The following SLC26A5 variants were observed in gnomAD, a reference collection of about 807,000 sequenced individuals.
The protein encoded by SLC26A5 is solute carrier family 26 member 5.
A neutral mutation model predicts 81.0 loss-of-function variants in SLC26A5; 51 were observed. The observed-to-expected ratio is 0.63, with a 90% CI of 0.50 to 0.80. The LOEUF is 0.80. Among genes scored for constraint, SLC26A5 ranks in the 30% least tolerant of loss-of-function variants. The pLI is 0.00. For synonymous variants in SLC26A5, 325 were observed against 332.8 expected (o/e 0.98, Z 0.25); for missense variants, 771 against 905.8 (o/e 0.85, Z 1.91).
intron 8 of SLC26A5, among the ~76,000 whole-genome samples, chr7:103,402,082 G>T (rs1823638500): frequency 6.6e-6 from 1 of 152,178 alleles, no homozygotes; most frequent in African/African-American, 2.4e-5. Flanking sequence ...CATAAAATCA[G>T]TTAGGGAGGA....
At chr7:103,389,485 T>G in intron 12 of SLC26A5, 61 bp from the exon 13 acceptor site, 1 of 1,209,506 alleles carries the variant, frequency 8.3e-7, no homozygotes, top group Non-Finnish European at 1.2e-6. Flanking sequence ...CCTTTGCTGG[T>G]TCCTCACTGT....
chr7:103,361,833 T>G, intron 19 of SLC26A5: 1 of 887,622 alleles, frequency 1.1e-6, no homozygotes. Context: ...TCTTTAACAG[T>G]GTCCCAGTTT....
At chr7:103,410,734 G>A (rs181577696) in intron 6 of SLC26A5, among the ~76,000 whole-genome samples, 185 bp from the exon 7 acceptor site, 1 of 151,972 alleles carries the variant, frequency 6.6e-6, no homozygotes. Flanking sequence ...GGGTTCAAGC[G>A]ATTCTCCTGC....
At chr7:103,420,102 A>C (rs1019285810) in intron 4 of SLC26A5, among the ~76,000 whole-genome samples, 11 of 152,084 alleles carry the variant, frequency 7.2e-5, no homozygotes, top group African/African-American at 2.7e-4. Flanking sequence ...GCAATATACT[A>C]CAGGAATTTA....
chr7:103,413,745 T>A (rs941797000), intron 4 of SLC26A5, among the ~76,000 whole-genome samples: 7 of 152,206 alleles, frequency 4.6e-5, no homozygotes, highest in Admixed American at 4.6e-4. Flanking sequence ...TCTAGGGGAC[T>A]CTTTCCCTCA....
At chr7:103,444,180 T>A (rs1827099149) in intron 1 of SLC26A5, among the ~76,000 whole-genome samples, 1 of 152,212 alleles carries the variant, frequency 6.6e-6, no homozygotes, top group Non-Finnish European at 1.5e-5. Flanking sequence ...GTACTCTGAG[T>A]CACAAAATGA....
At chr7:103,382,112 A>T (rs1185389430) in intron 14 of SLC26A5, among the ~76,000 whole-genome samples, 1 of 152,126 alleles carries the variant, frequency 6.6e-6, no homozygotes, top group Non-Finnish European at 1.5e-5. Flanking sequence ...TATGCCAGGG[A>T]TATATGTAAC....
chr7:103,366,092 G>A, intron 19 of SLC26A5: 2 of 1,613,624 alleles, frequency 1.2e-6, no homozygotes, highest in Non-Finnish European at 1.7e-6. Context: ...CGAATGGTTC[G>A]TGAACTCTTT....
At chr7:103,397,732 A>C (rs1202281550) in intron 9 of SLC26A5, among the ~76,000 whole-genome samples, 200 bp downstream of exon 9, 1 of 147,012 alleles carries the variant, frequency 6.8e-6, no homozygotes, top group African/African-American at 2.5e-5. Context: ...AAAAAAAAAA[A>C]GGTTAAGACA....
chr7:103,365,935 T>TA, intron 19 of SLC26A5: 1 of 683,160 alleles, frequency 1.5e-6, no homozygotes, highest in Non-Finnish European at 2.4e-6. Context: ...CTCAAAAAAA[T>TA]AAAAAAATAA....
chr7:103,393,975 T>C (rs1822881900), intron 9 of SLC26A5, among the ~76,000 whole-genome samples: 1 of 152,218 alleles, frequency 6.6e-6, no homozygotes, highest in Admixed American at 6.5e-5. Flanking sequence ...TTGTTTTCAA[T>C]GGCCCTGTGA....
At chr7:103,431,672 T>C (rs1299758000) in intron 2 of SLC26A5, among the ~76,000 whole-genome samples, 1 of 152,174 alleles carries the variant, frequency 6.6e-6, no homozygotes, top group Non-Finnish European at 1.5e-5. Flanking sequence ...CTGGTGAGTT[T>C]ATTATTAACT....
rs1826897762 is a variant in SLC26A5 at position 103,441,774 on chromosome 7, A to G, written c.-54+1309T>C. ...GGCAGAATTACACCTAATTCAGTCC[A>G]TCAAAAACTACTGGGTGCTGCAAAG... On this transcript the variant is annotated intron_variant, in intron 2 of 19. Coordinates refer to ENST00000306312, the MANE Select transcript of SLC26A5 (RefSeq NM_198999.3). 2.0e-5 allele frequency among the ~76,000 whole-genome samples: 3 copies of G among 152,232 alleles called. No individual in the cohort carries two copies. In the South Asian group the frequency reaches 6.2e-4, roughly 32 times the overall value.
chr7:103,440,163 A>G (rs1826772164), intron 2 of SLC26A5, among the ~76,000 whole-genome samples: 1 of 152,170 alleles, frequency 6.6e-6, no homozygotes, highest in African/African-American at 2.4e-5. Context: ...CATAGGGGGA[A>G]CTCATTAGAT....
intron 4 of SLC26A5, among the ~76,000 whole-genome samples, chr7:103,415,838 A>G (rs1337133488): frequency 2.0e-5 from 3 of 151,990 alleles, no homozygotes; most frequent in Non-Finnish European, 4.4e-5. Flanking sequence ...AAACACATGT[A>G]TTTCATTCCT....
chr7:103,390,317 C>T, intron 12 of SLC26A5, 112 bp downstream of exon 12: 2 of 994,856 alleles, frequency 2.0e-6, no homozygotes, highest in Non-Finnish European at 3.2e-6. Context: ...CTCATACCAT[C>T]CTGTGAGGGT....
At chr7:103,368,265 T>C (rs1289647548) in intron 19 of SLC26A5, 1 of 501,068 alleles carries the variant, frequency 2.0e-6, no homozygotes, top group East Asian at 3.5e-5. Flanking sequence ...CCCACACCCG[T>C]TTAAGGATTT....
chr7:103,436,850 A>C (rs1826487883), intron 2 of SLC26A5, among the ~76,000 whole-genome samples: 1 of 152,210 alleles, frequency 6.6e-6, no homozygotes, highest in Admixed American at 6.5e-5. Flanking sequence ...TACTAAAAGA[A>C]AATGGGGGAA....
At chr7:103,385,953 G>T (rs1822161577) in intron 14 of SLC26A5, among the ~76,000 whole-genome samples, 1 of 149,742 alleles carries the variant, frequency 6.7e-6, no homozygotes. Flanking sequence ...TTTGAGATAG[G>T]CTCTCACTCT....
Sources: allele counts gnomAD v4.1 joint callset (sites outside exome capture counted in the v4.1 genomes callset), GRCh38; gene constraint gnomAD v4.1.1; transcripts MANE v1.5; gene names NCBI Gene and HGNC (gene_info 2026-07-23, HGNC 2026-07-21).